The following BHMT variants were observed in gnomAD, a reference collection of about 807,000 sequenced individuals.
BHMT encodes the protein betaine--homocysteine S-methyltransferase.
Under a neutral mutation model 49.5 loss-of-function variants are expected in BHMT, and 38 were observed. The ratio of observed to expected loss-of-function variants is 0.77; its 90% CI spans 0.59 to 1.01. The LOEUF is 1.01. Ranked by LOEUF, BHMT falls within the 50% of genes least tolerant of loss-of-function variation. The pLI is 0.00. For synonymous variants in BHMT, 166 were observed against 176.3 expected, an observed-to-expected ratio of 0.94 and a Z score of 0.46; for missense variants, 426 against 495.7, an observed-to-expected ratio of 0.86 and a Z score of 1.34.
Position 79,131,240 on chromosome 5 carries a change from C to A in BHMT, c.*124C>A, listed in dbSNP as rs1422337711. ...CATCCTACACATATTATTGCTATTA[C>A]CTGAACAAAATAGAATTACAAATAG... On this transcript the variant is annotated 3_prime_UTR_variant, in exon 8 of 8. Coordinates refer to ENST00000274353, the MANE Select transcript of BHMT (RefSeq NM_001713.3). The A allele has an allele frequency of 2.2e-6, 2 of 912,526 alleles. No homozygotes were observed. The highest frequency in any genetic ancestry group is 3.2e-6 in the Non-Finnish European group (2 of 627,686). 56.5% of individuals were successfully genotyped at this position (912,526 alleles called of 1,614,324 possible).
Position 79,121,346 on chromosome 5 carries a change from A to G in BHMT, c.606A>G (p.Ala202=), listed in dbSNP as rs1348562674. ...ATGGCGTGCCCCCCGGCGAGTGTGCAGTGCGCCTGGTGAAAGCAGGTGATG... is the reference window on the plus strand; with the variant it reads ...ATGGCGTGCCCCCCGGCGAGTGTGCGGTGCGCCTGGTGAAAGCAGGTGATG... ...DLHGVPPGEC[A]VRLVKAGASI... is the part of the protein sequence containing the mutation. The change falls in exon 5 of 8, where the codon GCA becomes GCG. Residue 202 remains alanine (A), a synonymous_variant. Coordinates refer to ENST00000274353, the MANE Select transcript of BHMT (RefSeq NM_001713.3). The G allele has an allele frequency of 6.2e-7, 1 of 1,614,056 alleles. No homozygotes were observed. The highest frequency in any genetic ancestry group is 8.5e-7 in the Non-Finnish European group (1 of 1,180,002).
chr5:79,119,051 C>A (rs1292541112), intron 2 of BHMT, among the ~76,000 whole-genome samples: 2 of 152,048 alleles, frequency 1.3e-5, no homozygotes, highest in African/African-American at 2.4e-5. Context: ...ATATGAGCAC[C>A]CCCTGCCCAC....
At chr5:79,116,079 A>G (rs1756382969) in intron 2 of BHMT, 180 bp downstream of exon 2, 1 of 642,034 alleles carries the variant, frequency 1.6e-6, no homozygotes, top group Non-Finnish European at 2.3e-6. Context: ...TTAGCTGGAC[A>G]TGGTGGTGCA....
chr5:79,115,540 C>A (rs1023645788), intron 1 of BHMT, among the ~76,000 whole-genome samples: 1 of 151,864 alleles, frequency 6.6e-6, no homozygotes, highest in Non-Finnish European at 1.5e-5. Flanking sequence ...TAAGAAAGAC[C>A]CCCCCACCCA....
At position 79,121,220 on chromosome 5, in the gene BHMT, T is replaced by A. The variant is rs745393938; in HGVS notation, c.480T>A (p.Tyr160Ter). The A allele has an allele frequency of 6.2e-7, 1 of 1,614,044 alleles. No individual in the cohort carries two copies. The highest frequency in any genetic ancestry group is 8.5e-7 in the Non-Finnish European group (1 of 1,179,944). ...ACTCTAACCTTAACTGATTCCAGTA[T>A]TTTGAACACGTTGAAGAAGCTGTGT... ...KKNVDFLIAE[Y>*]FEHVEEAVWA... Residue 160 changes from tyrosine (Y) to a stop codon, truncating the protein, a stop_gained and splice_region_variant, in exon 5 of 8, where the codon TAT becomes TAA. Coordinates refer to ENST00000274353, the MANE Select transcript of BHMT (RefSeq NM_001713.3). LOFTEE classifies it high-confidence loss of function.
intron 2 of BHMT, among the ~76,000 whole-genome samples, chr5:79,117,121 AGAGT>A (rs1220664725): frequency 6.6e-6 from 1 of 152,244 alleles, no homozygotes; most frequent in East Asian, 1.9e-4. Context: ...TGAATAATCA[AGAGT>A]GAGGAGTTGT....
At chr5:79,124,189 C>T (rs1017884979) in intron 5 of BHMT, among the ~76,000 whole-genome samples, 1 of 151,364 alleles carries the variant, frequency 6.6e-6, no homozygotes, top group Non-Finnish European at 1.5e-5. Flanking sequence ...TTTGGGGTAT[C>T]GAAAAAATGT....
At chr5:79,112,299 A>C (rs984548930) in intron 1 of BHMT, among the ~76,000 whole-genome samples, 1 of 152,140 alleles carries the variant, frequency 6.6e-6, no homozygotes, top group Non-Finnish European at 1.5e-5. Flanking sequence ...ATATCTTCTG[A>C]ATCTGGCACC....
chr5:79,113,997 A>T (rs746337088), intron 1 of BHMT, among the ~76,000 whole-genome samples: 38 of 151,926 alleles, frequency 2.5e-4, no homozygotes, highest in Non-Finnish European at 4.7e-4. Context: ...AATGTCATGA[A>T]TTATTTTATC....
chr5:79,111,832 G>C lies in BHMT; in HGVS notation c.-54G>C, dbSNP rs1453804791. 1.4e-5 allele frequency: 23 copies of C among 1,607,582 alleles called. No homozygotes were observed. The highest frequency in any genetic ancestry group is 2.0e-5 in the Non-Finnish European group (23 of 1,177,234). On this transcript the variant is annotated 5_prime_UTR_variant, in exon 1 of 8. Coordinates refer to ENST00000274353, the MANE Select transcript of BHMT (RefSeq NM_001713.3). The stretch of plus-strand genomic sequence containing the variant: ...GCAGCTCGGGGCTGCGCAGCGGGAA[G>C]GCTCGCCTAGTCGGTCCGCATCCGT...
chr5:79,114,017 G>C (rs1756347063), intron 1 of BHMT, among the ~76,000 whole-genome samples: 1 of 151,432 alleles, frequency 6.6e-6, no homozygotes, highest in Non-Finnish European at 1.5e-5. Context: ...CCAAATAAAA[G>C]TTAGTAGCAA....
intron 5 of BHMT, among the ~76,000 whole-genome samples, chr5:79,121,817 T>TCA (rs375863684): frequency 7.9e-6 from 1 of 126,234 alleles, no homozygotes; most frequent in Non-Finnish European, 1.7e-5. Context: ...TCCGTCTCAA[T>TCA]AAAAAAAAAA....
intron 2 of BHMT, 129 bp downstream of exon 2, chr5:79,116,028 G>A (rs1239878556): frequency 5.9e-6 from 7 of 1,177,654 alleles, no homozygotes; most frequent in African/African-American, 1.6e-5. Context: ...GACCAGCCTG[G>A]GCACATAGGG....
chr5:79,117,631 C>G (rs914602693), intron 2 of BHMT, among the ~76,000 whole-genome samples: 10 of 152,212 alleles, frequency 6.6e-5, no homozygotes, highest in Admixed American at 1.3e-4. Context: ...TTACTCTACT[C>G]TACTAGTCGT....
intron 5 of BHMT, among the ~76,000 whole-genome samples, chr5:79,122,661 T>C (rs1360403771): frequency 6.6e-6 from 1 of 151,772 alleles, no homozygotes; most frequent in South Asian, 2.1e-4. Context: ...TTGGATATTG[T>C]GGATATATAT....
At chr5:79,128,981 C>T (rs1226001145) in intron 7 of BHMT, among the ~76,000 whole-genome samples, 3 of 152,206 alleles carry the variant, frequency 2.0e-5, no homozygotes, top group Non-Finnish European at 4.4e-5. Context: ...ATGACTATCT[C>T]TGCCTAACAG....
In BHMT at chr5:79,131,197, CA is replaced by C; in HGVS notation, c.*82del. On this transcript the variant is annotated 3_prime_UTR_variant, in exon 8 of 8. Transcript: ENST00000274353. ...AAATACGGAAAAGGGGGTTAAAAAG[CA>C]GTGCTTTCATGAATGCCATCCTACA... is the stretch of plus-strand genomic sequence containing the variant. 1 of 1,388,364 alleles carries C rather than the reference CA, an allele frequency of 7.2e-7. No homozygotes were observed. Among genetic ancestry groups the C allele is most frequent in the Non-Finnish European group, 9.9e-7 (1 of 1,014,310 alleles). 86.0% of individuals were successfully genotyped at this position (1,388,364 alleles called of 1,614,324 possible). A position where few individuals can be genotyped will look rare whatever the true frequency, so the allele number is the denominator to read the frequency against.
intron 1 of BHMT, among the ~76,000 whole-genome samples, chr5:79,114,627 T>C (rs1756356776): frequency 6.6e-6 from 1 of 152,202 alleles, no homozygotes; most frequent in South Asian, 2.1e-4. Flanking sequence ...TCCTTTACAC[T>C]ATACAGTTTT....
At chr5:79,121,816 A>AT (rs1354075543) in intron 5 of BHMT, among the ~76,000 whole-genome samples, 4 of 102,066 alleles carry the variant, frequency 3.9e-5, no homozygotes, top group Non-Finnish European at 8.0e-5. Context: ...TTCCGTCTCA[A>AT]TAAAAAAAAA....
Sources: allele counts gnomAD v4.1 joint callset (sites outside exome capture counted in the v4.1 genomes callset), GRCh38; gene constraint gnomAD v4.1.1; transcripts MANE v1.5; gene names NCBI Gene and HGNC (gene_info 2026-07-23, HGNC 2026-07-21).